The following RUNX3 variants were observed in gnomAD, a reference collection of about 807,000 sequenced individuals.
RUNX3 encodes the protein RUNX family transcription factor 3, also known as runt-related transcription factor 3.
In RUNX3, 10 loss-of-function variants were observed where a neutral mutation model predicts 27.7. The observed-to-expected ratio is 0.36, with a 90% CI of 0.22 to 0.61. The LOEUF is 0.61. Among genes scored for constraint, RUNX3 ranks in the 20% least tolerant of loss-of-function variants. The pLI, the probability that RUNX3 is intolerant of heterozygous loss-of-function variation, is 0.72. For synonymous variants in RUNX3, 270 were observed against 269.2 expected, an observed-to-expected ratio of 1.00 and a Z score of -0.03; for missense variants, 469 against 629.5, an observed-to-expected ratio of 0.75 and a Z score of 2.73.
chr1:24,953,296 C>T (rs1401145806), intron 2 of RUNX3, among the ~76,000 whole-genome samples: 5 of 131,824 alleles, frequency 3.8e-5, no homozygotes, highest in African/African-American at 1.1e-4. Flanking sequence ...ACCCAGGAGG[C>T]GGAGCTTGCA....
Position 24,930,011 on chromosome 1 carries a change from G to T in RUNX3, c.-143C>A. Reference sequence around the variant, plus strand: ...GGGCCCGGGCCTCAGGGCGCAGGGGGCGGCGCCCGGCCACTACTCGCCAGG... The same window carrying T: ...GGGCCCGGGCCTCAGGGCGCAGGGGTCGGCGCCCGGCCACTACTCGCCAGG... On this transcript the variant is annotated 5_prime_UTR_variant, in exon 1 of 5. Transcript: ENST00000308873. The surrounding 1 kb of genome is among the most constrained non-coding windows in gnomAD (Gnocchi z 4.1). 28 of 1,122,242 alleles carry T rather than the reference G, an allele frequency of 2.5e-5. No homozygotes were observed. Among genetic ancestry groups the T allele is most frequent in the Non-Finnish European group, 2.9e-5 (27 of 919,818 alleles). 69.5% of individuals were successfully genotyped at this position (1,122,242 alleles called of 1,614,324 possible). A position where few individuals can be genotyped will look rare whatever the true frequency, so the allele number is the denominator to read the frequency against.
chr1:24,909,342 G>A (rs553197245), intron 3 of RUNX3, among the ~76,000 whole-genome samples: 1 of 152,284 alleles, frequency 6.6e-6, no homozygotes, highest in East Asian at 1.9e-4. Context: ...TTTCTTTCCA[G>A]ACATTTTTCA....
chr1:24,954,552 T>A (rs1006265), intron 2 of RUNX3, among the ~76,000 whole-genome samples: 318 of 152,130 alleles, frequency 2.1e-3, no homozygotes, highest in Non-Finnish European at 3.7e-3. Context: ...CCTGAAATTC[T>A]TACTGATTTT....
At chr1:24,915,410 C>T (rs1302433247) in intron 3 of RUNX3, among the ~76,000 whole-genome samples, 1 of 152,146 alleles carries the variant, frequency 6.6e-6, no homozygotes, top group African/African-American at 2.4e-5. Context: ...GGCAACAGAG[C>T]AAGACTCCAT....
At chr1:24,933,417 A>C (rs778704423), upstream of RUNX3, among the ~76,000 whole-genome samples, 11 of 152,326 alleles carry the variant, frequency 7.2e-5, no homozygotes, top group East Asian at 2.1e-3. Flanking sequence ...GTCATGAAAA[A>C]ATAAGACCTC....
At chr1:24,906,795 A>C (rs1456180188) in intron 4 of RUNX3, among the ~76,000 whole-genome samples, 1 of 152,244 alleles carries the variant, frequency 6.6e-6, no homozygotes, top group African/African-American at 2.4e-5. Flanking sequence ...TGAGTACAGT[A>C]ATGTCATTTG....
chr1:24,922,754 T>C (rs949902385), intron 2 of RUNX3, among the ~76,000 whole-genome samples: 1 of 127,272 alleles, frequency 7.9e-6, no homozygotes, highest in Admixed American at 1.0e-4. Context: ...TGTGCGGGCT[T>C]CACCAGCTAT....
At chr1:24,953,572 G>A (rs1641834736) in intron 2 of RUNX3, among the ~76,000 whole-genome samples, 1 of 152,184 alleles carries the variant, frequency 6.6e-6, no homozygotes, top group Non-Finnish European at 1.5e-5. Flanking sequence ...ACGTGCCCCT[G>A]GTGGCTACTG....
At chr1:24,938,781 T>A (rs1641407158) in intron 2 of RUNX3, among the ~76,000 whole-genome samples, 1 of 152,096 alleles carries the variant, frequency 6.6e-6, no homozygotes, top group Non-Finnish European at 1.5e-5. Flanking sequence ...CAATGTTCTG[T>A]GTCCTCCGGA....
At chr1:24,928,940 A>T (rs1399507374) in intron 1 of RUNX3, 2 of 418,812 alleles carry the variant, frequency 4.8e-6, no homozygotes, top group African/African-American at 4.2e-5. Context: ...CCCCTTAAAA[A>T]AATGAAAATG....
At chr1:24,922,195 CTT>C (rs1283635731) in intron 2 of RUNX3, among the ~76,000 whole-genome samples, 2 of 132,554 alleles carry the variant, frequency 1.5e-5, no homozygotes, top group Admixed American at 7.6e-5. Context: ...TCCTTTCTTT[CTT>C]TTTTTTTTTT....
Position 24,918,713 on chromosome 1 carries a change from T to TG in RUNX3, c.544+526dup, listed in dbSNP as rs1640936813. ...AGAATTAAACACAAACTCGCTTTGA[T>TG]GGACCAGAACTCCCTGCTCATAGGG... On this transcript the variant is annotated intron_variant, in intron 3 of 4. Transcript: ENST00000308873. 1.3e-5 allele frequency among the ~76,000 whole-genome samples: 2 copies of TG among 152,210 alleles called. 1 individual carries two copies. Among genetic ancestry groups the TG allele is most frequent in the South Asian group, 4.1e-4 (2 of 4,828 alleles).
chr1:24,915,450 G>A (rs1031348374), intron 3 of RUNX3, among the ~76,000 whole-genome samples: 2 of 152,094 alleles, frequency 1.3e-5, no homozygotes, highest in African/African-American at 2.4e-5. Context: ...CAAAATGGGA[G>A]AAATGAATAA....
intron 4 of RUNX3, among the ~76,000 whole-genome samples, chr1:24,906,264 T>G (rs1640663080): frequency 6.6e-6 from 1 of 152,260 alleles, no homozygotes; most frequent in Non-Finnish European, 1.5e-5. Context: ...CTGTGGAGAC[T>G]GTGGACCTGG....
At chr1:24,964,438 G>A (rs1642201047) in intron 2 of RUNX3, 3 of 1,223,886 alleles carry the variant, frequency 2.5e-6, no homozygotes, top group Non-Finnish European at 2.4e-6. Flanking sequence ...AGGGCAGCCA[G>A]GGCGGTCAGT....
At chr1:24,917,391 G>A (rs528697261) in intron 3 of RUNX3, among the ~76,000 whole-genome samples, 4 of 152,310 alleles carry the variant, frequency 2.6e-5, no homozygotes, top group South Asian at 2.1e-4. Context: ...TGGTGGTGGT[G>A]GGAGTGCAGG....
At chr1:24,935,543 A>G (rs1326608134) in intron 2 of RUNX3, among the ~76,000 whole-genome samples, 1 of 152,122 alleles carries the variant, frequency 6.6e-6, no homozygotes, top group Non-Finnish European at 1.5e-5. Flanking sequence ...GAGAAAAGAG[A>G]CTTCTTTTGC....
chr1:24,913,489 A>G (rs1640832816), intron 3 of RUNX3, among the ~76,000 whole-genome samples: 1 of 152,228 alleles, frequency 6.6e-6, no homozygotes, highest in African/African-American at 2.4e-5. Context: ...CAAGAATTAC[A>G]CAGCCCACCA....
chr1:24,962,925 T>G lies in RUNX3; in HGVS notation c.58+1589A>C, dbSNP rs1642156830. 6.6e-6 allele frequency: 1 copy of G among 152,228 alleles called. No homozygotes were observed. Among genetic ancestry groups the G allele is most frequent in the African/African-American group, 2.4e-5 (1 of 41,430 alleles). The allele number at this position is 152,228 out of a possible 1,614,324, so 9.4% of individuals were successfully genotyped here. A position where few individuals can be genotyped will look rare whatever the true frequency, so the allele number is the denominator to read the frequency against. On this transcript the variant is annotated intron_variant, in intron 2 of 6. Coordinates refer to the RUNX3 transcript ENST00000338888. This position sits in a 1 kb window ranked among gnomAD's most constrained non-coding sequence, Gnocchi z 4.5. ...TGCGCACGGAAGGAGAAATACAGAT[T>G]ACAAAGACCCGGCAAATGGATTTTA...
Sources: gnomAD v4.1 joint callset for allele counts (sites outside exome capture counted in the v4.1 genomes callset) on GRCh38, gnomAD v4.1.1 for gene constraint, Gnocchi (gnomAD v3.1) non-coding constraint, MANE v1.5 for transcripts, NCBI Gene and HGNC (gene_info 2026-07-23, HGNC 2026-07-21) for gene names.